The following MUS81 variants were observed in gnomAD, a reference collection of about 807,000 sequenced individuals.
MUS81 encodes structure-specific endonuclease subunit MUS81.
In MUS81, 69 loss-of-function variants were observed where a neutral mutation model predicts 74.2. The ratio of observed to expected loss-of-function variants is 0.93; its 90% confidence interval spans 0.77 to 1.14. MUS81 has a LOEUF of 1.14. Among genes scored for constraint, MUS81 ranks in the 50% most tolerant of loss-of-function variants. MUS81 has a pLI of 0.00. For missense variants in MUS81, 711 were observed against 726.5 expected, an observed-to-expected ratio of 0.98 and a Z score of 0.25; for synonymous variants, 303 against 300.6, an observed-to-expected ratio of 1.01 and a Z score of -0.08.
At position 65,860,956 on chromosome 11, in the gene MUS81, T is replaced by C. The variant is rs1418643105; in HGVS notation, c.136-17T>C. The C allele has an allele frequency of 6.2e-7, 1 of 1,611,028 alleles. No individual in the cohort carries two copies. Among genetic ancestry groups the C allele is most frequent in the Non-Finnish European group, 8.5e-7 (1 of 1,179,234 alleles). On this transcript the variant is annotated splice_polypyrimidine_tract_variant and intron_variant, in intron 1 of 15. Transcript: ENST00000308110. ...TCAGGCCTGCCCTGACCAGGTACCC[T>C]ACCCCTGCCCGGCCAGGCGCTGCGT...
chr11:65,866,728 C>A (rs951322003), downstream of MUS81: 4 of 757,520 alleles, frequency 5.3e-6, no homozygotes, highest in South Asian at 2.9e-5. Context: ...CATATAGAGA[C>A]CCCCATTTAG....
chr11:65,863,397 A>AC lies in MUS81; in HGVS notation c.747-7dup, dbSNP rs762818237. 2.1e-5 allele frequency: 34 copies of AC among 1,613,634 alleles called. No homozygotes were observed. In the Admixed American group the frequency reaches 4.5e-4, roughly 21 times the overall value. ...AGGGGTTCTGGCCTCACATACCAACACCCCCCACTTAGTGCCAGTGAAGCA... is the reference window on the plus strand; with the variant it reads ...AGGGGTTCTGGCCTCACATACCAACACCCCCCCACTTAGTGCCAGTGAAGCA... On this transcript the variant is annotated splice_polypyrimidine_tract_variant and intron_variant, in intron 7 of 15. Coordinates refer to ENST00000308110, the MANE Select transcript of MUS81 (RefSeq NM_025128.5).
rs1859689384 is a variant in MUS81, at chr11:65,863,413, C to T, written c.750C>T (p.Ala250=). The part of the protein sequence containing the change: ...AVPGAASAEL[A]SEAGVQQQPL... ...CATACCAACACCCCCCACTTAGTGC[C>T]AGTGAAGCAGGGGTCCAGCAGCAGC... Residue 250 remains alanine (A), a synonymous_variant, in exon 8 of 16, where the codon GCC becomes GCT. Coordinates refer to ENST00000308110, the MANE Select transcript of MUS81 (RefSeq NM_025128.5). 11 of 1,614,074 alleles carry T rather than the reference C, an allele frequency of 6.8e-6. No individual in the cohort carries two copies. The highest frequency in any genetic ancestry group is 2.2e-5 in the East Asian group (1 of 44,884).
chr11:65,860,427 T>A, upstream of MUS81: 1 of 512,966 alleles, frequency 1.9e-6, no homozygotes, highest in Non-Finnish European at 3.7e-6. Flanking sequence ...CTCTCGAATC[T>A]GGGGTGACAG....
rs1859769748 is a variant in MUS81, at chr11:65,865,061, T to C, written c.1317T>C (p.Pro439=). The C allele has an allele frequency of 1.2e-6, 2 of 1,614,058 alleles. No individual in the cohort carries two copies. Among genetic ancestry groups the C allele is most frequent in the African/African-American group, 1.3e-5 (1 of 75,028 alleles). ...RSRPWGTPGN[P]ESGAMTSPNP... ...GCCCCTGGGGAACCCCTGGGAACCC[T>C]GAATCAGGGGCCATGACCTCTCCAA... Residue 439 remains proline, a synonymous_variant, in exon 13 of 16, where the codon CCT becomes CCC. Transcript: ENST00000308110.
intron 10 of MUS81, 172 bp from the exon 11 acceptor site, chr11:65,864,325 G>A: frequency 1.6e-6 from 1 of 638,660 alleles, no homozygotes; most frequent in Non-Finnish European, 2.8e-6. Flanking sequence ...AAGAGTGTCA[G>A]CATGAGCAAA....
downstream of MUS81, chr11:65,867,646 GACTCAA>G (rs1230862949): frequency 1.3e-5 from 8 of 620,872 alleles, no homozygotes; most frequent in Non-Finnish European, 2.3e-5. Context: ...CCAGTACCAG[GACTCAA>G]ACTCCCGTGT....
chr11:65,865,694 A>G (rs1349029638), intron 14 of MUS81, 117 bp from the exon 15 acceptor site: 1 of 1,061,302 alleles, frequency 9.4e-7, no homozygotes, highest in East Asian at 2.4e-5. Context: ...CAAGCTCAGG[A>G]AGTGGGGCAG....
chr11:65,860,654 C>A lies in MUS81; in HGVS notation c.-100C>A, dbSNP rs1484601374. The A allele has an allele frequency of 6.7e-7, 1 of 1,501,780 alleles. No homozygotes were observed. The highest frequency in any genetic ancestry group is 2.0e-5 in the Admixed American group (1 of 50,660). 93.0% of individuals were successfully genotyped at this position (1,501,780 alleles called of 1,614,324 possible). The stretch of plus-strand genomic sequence containing the variant: ...GGTCCTGCCCTCGGTCTCCCTCTTC[C>A]CCCGCCCCGCCCTGGGCCAGGTGTT... On this transcript the variant is annotated 5_prime_UTR_variant, in exon 1 of 16. Coordinates refer to ENST00000308110, the MANE Select transcript of MUS81 (RefSeq NM_025128.5).
At chr11:65,866,653 C>T (rs772435021), downstream of MUS81, 11 of 703,774 alleles carry the variant, frequency 1.6e-5, no homozygotes, top group South Asian at 1.3e-4. Context: ...CCTCTCCTCT[C>T]GGGGTGACTG....
Position 65,862,287 on chromosome 11 carries a change from C to A in MUS81, c.519+8C>A, listed in dbSNP as rs1409291451. On this transcript the variant is annotated splice_region_variant and intron_variant, in intron 5 of 15. Coordinates refer to ENST00000308110, the MANE Select transcript of MUS81 (RefSeq NM_025128.5). ...GCTCAGAAGTCCCCCAGGGTGAGCA[C>A]AGGGATCAGGGAGGACAGGCCCAAG... The A allele has an allele frequency of 2.5e-6, 4 of 1,613,656 alleles. No individual in the cohort carries two copies. The Admixed American group carries it at 6.7e-5, about 27-fold the overall frequency.
chr11:65,867,031 C>G, downstream of MUS81: 1 of 1,614,130 alleles, frequency 6.2e-7, no homozygotes, highest in Non-Finnish European at 8.5e-7. Context: ...TCCCGGGGGC[C>G]CGTCACCGGC....
At chr11:65,860,193 C>A (rs1859531246), upstream of MUS81, 2 of 450,326 alleles carry the variant, frequency 4.4e-6, no homozygotes, top group Non-Finnish European at 9.0e-6. Flanking sequence ...GTGTCCCTCC[C>A]ACCAATACGT....
chr11:65,865,546 T>G (rs963176272), intron 14 of MUS81: 2 of 626,776 alleles, frequency 3.2e-6, no homozygotes, highest in African/African-American at 3.7e-5. Context: ...ACGTCCCACC[T>G]GGTGGAGAAG....
intron 2 of MUS81, 88 bp from the exon 3 acceptor site, chr11:65,861,262 T>A: frequency 6.5e-7 from 1 of 1,533,840 alleles, no homozygotes; most frequent in South Asian, 1.2e-5. Flanking sequence ...CTCACCGGTC[T>A]CACGTAACCA....
In MUS81 at chr11:65,863,656, C is replaced by T. The variant is rs150334520; in HGVS notation, c.896C>T (p.Thr299Met). The T allele has an allele frequency of 3.3e-3, 5,256 of 1,614,062 alleles. 20 individuals are homozygous for T. Among genetic ancestry groups the T allele is most frequent in the Middle Eastern group, 5.3e-3 (32 of 6,062 alleles). The change falls in exon 9 of 16, where the codon ACG (threonine) becomes ATG (methionine). Residue 299 changes from threonine to methionine, a missense_variant. Coordinates refer to ENST00000308110, the MANE Select transcript of MUS81 (RefSeq NM_025128.5). ...CTACAGCGGCTGCACGTGACCCACA[C>T]GGTGCGCAAGCTGCACGTTGGAGAT... ...RELQRLHVTH[T>M]VRKLHVGDFV... is the part of the protein sequence containing the mutation.
rs747956072 is a variant in MUS81, at chr11:65,865,140, A to G, written c.1396A>G (p.Asn466Asp). The G allele has an allele frequency of 3.7e-6, 6 of 1,614,172 alleles. No homozygotes were observed. The highest frequency in any genetic ancestry group is 4.2e-6 in the Non-Finnish European group (5 of 1,180,018). ...FSDFNAGAIK[N>D]KAQSVREVFA... ...TGACTTCAACGCAGGAGCCATCAAG[A>G]ATAAGGTACTGTCTCTGCCTAGCTT... The change falls in exon 13 of 16, where the codon AAT becomes GAT. Residue 466 changes from asparagine (N) to aspartate (D), a missense_variant. Transcript: ENST00000308110.
chr11:65,860,090 G>C (rs1859526224), upstream of MUS81: 1 of 359,984 alleles, frequency 2.8e-6, no homozygotes, highest in African/African-American at 2.1e-5. Flanking sequence ...TCTTTGCCCT[G>C]TATCCCGGGG....
rs1591063437 is a variant in MUS81 at position 65,866,027 on chromosome 11, A to C, written c.1631A>C (p.Tyr544Ser). The C allele has an allele frequency of 6.2e-7, 1 of 1,614,000 alleles. No homozygotes were observed. The highest frequency in any genetic ancestry group is 1.1e-5 in the South Asian group (1 of 91,082). Residue 544 changes from tyrosine to serine, a missense_variant, in exon 16 of 16, where the codon TAC becomes TCC. By Grantham distance (144) the Tyr-to-Ser change is moderately radical (BLOSUM62 -2). Transcript: ENST00000308110. ...CTGAGCAGGACCTTATCCCAGCTCT[A>C]CTGCAGCTACGGCCCCTTGACCTGA... ...PALSRTLSQLYCSYGPLT is the reference protein window; with the variant it reads ...PALSRTLSQLSCSYGPLT
Sources: allele counts gnomAD v4.1 joint callset, GRCh38; gene constraint gnomAD v4.1.1; transcripts MANE v1.5; gene names NCBI Gene and HGNC (gene_info 2026-07-23, HGNC 2026-07-21).